RNF144B: variants seen among roughly 807,000 people sequenced by gnomAD.
RNF144B encodes E3 ubiquitin-protein ligase RNF144B.
Under a neutral mutation model 40.2 loss-of-function variants are expected in RNF144B, and 25 were observed. That is an observed-to-expected ratio of 0.62 (90% CI 0.45 to 0.87). The LOEUF is 0.87. RNF144B is among the 40% of genes least tolerant of loss of function. RNF144B has a pLI of 0.00. For missense variants in RNF144B, 365 were observed against 373.7 expected, an observed-to-expected ratio of 0.98 and a Z score of 0.19; for synonymous variants, 145 against 136.3, an observed-to-expected ratio of 1.06 and a Z score of -0.44.
intron 1 of RNF144B, among the ~76,000 whole-genome samples, chr6:18,387,961 A>G (rs187596835): frequency 3.3e-5 from 5 of 152,324 alleles, no homozygotes; most frequent in Admixed American, 1.3e-4. Context: ...ATTATGCATT[A>G]TAGTGCTTAT....
Position 18,405,117 on chromosome 6 carries a change from T to C in RNF144B, c.165+5418T>C, listed in dbSNP as rs2147213. Among the ~76,000 whole-genome samples, 95,914 of 150,998 alleles carry C rather than the reference T, an allele frequency of 0.64. 30,733 individuals are homozygous for C. Among genetic ancestry groups the C allele is most frequent in the Middle Eastern group, 0.69 (199 of 290 alleles). On this transcript the variant is annotated intron_variant, in intron 2 of 7. Transcript: ENST00000259939. This position sits in a 1 kb window ranked among gnomAD's most constrained non-coding sequence, Gnocchi z 4.5. The stretch of plus-strand genomic sequence containing the variant: ...TATTATTCTGTTGGTTTCTGGTACC[T>C]AAATATGCTTGCTTGCAAGGTTAGT...
rs996866679 is a variant in RNF144B at position 18,458,231 on chromosome 6, C to A, written c.536+872C>A. Among the ~76,000 whole-genome samples, 4 of 152,210 alleles carry A rather than the reference C, an allele frequency of 2.6e-5. No homozygotes were observed. The highest frequency in any genetic ancestry group is 9.7e-5 in the African/African-American group (4 of 41,450). On this transcript the variant is annotated intron_variant, in intron 5 of 7. Transcript: ENST00000259939. This position sits in a 1 kb window ranked among gnomAD's most constrained non-coding sequence, Gnocchi z 4.8. ...AGGATTACAGACATAAGCCACCACACTTGGGCGATACAGAGGGTTTTTATG... is the reference window on the plus strand; with the variant it reads ...AGGATTACAGACATAAGCCACCACAATTGGGCGATACAGAGGGTTTTTATG...
chr6:18,426,529 C>T (rs751577677), intron 2 of RNF144B, among the ~76,000 whole-genome samples: 1 of 152,148 alleles, frequency 6.6e-6, no homozygotes, highest in Non-Finnish European at 1.5e-5. Context: ...CAGTCAGACT[C>T]ACATCTTCAC....
In RNF144B at chr6:18,457,888, G is replaced by A. The variant is rs1205672505; in HGVS notation, c.536+529G>A. Among the ~76,000 whole-genome samples, 3 of 152,068 alleles carry A rather than the reference G, an allele frequency of 2.0e-5. No homozygotes were observed. The highest frequency in any genetic ancestry group is 2.1e-4 in the South Asian group (1 of 4,826). ...GCTCTGTAAAGGTTGAGATTTTATC[G>A]TGATAGGAAGCAATTAAATCTGTAC... On this transcript the variant is annotated intron_variant, in intron 5 of 7. Coordinates refer to ENST00000259939, the MANE Select transcript of RNF144B (RefSeq NM_182757.4). The surrounding 1 kb of genome is among the most constrained non-coding windows in gnomAD (Gnocchi z 5.1).
At chr6:18,461,172 T>G (rs1759444454) in intron 6 of RNF144B, among the ~76,000 whole-genome samples, 1 of 152,142 alleles carries the variant, frequency 6.6e-6, no homozygotes, top group African/African-American at 2.4e-5. Context: ...AACCTCCATC[T>G]TAGTGATTTA....
Position 18,465,536 on chromosome 6 carries a change from A to G in RNF144B, c.*469A>G, listed in dbSNP as rs537409094. ...AGAAGGATAAGACTGCGTAAGGAGA[A>G]ATCCTCATAGGAGCTATAAAGCAGG... On this transcript the variant is annotated 3_prime_UTR_variant, in exon 8 of 8. Transcript: ENST00000259939. 1.3e-5 allele frequency: 2 copies of G among 155,076 alleles called. No individual in the cohort carries two copies. Among genetic ancestry groups the G allele is most frequent in the South Asian group, 4.0e-4 (2 of 5,006 alleles). 9.6% of individuals were successfully genotyped at this position (155,076 alleles called of 1,614,324 possible).
chr6:18,423,556 T>A (rs1381303110), intron 2 of RNF144B, among the ~76,000 whole-genome samples: 1 of 152,232 alleles, frequency 6.6e-6, no homozygotes, highest in Non-Finnish European at 1.5e-5. Context: ...ATATGAAGAA[T>A]GCCTGTGACT....
chr6:18,442,895 C>T lies in RNF144B; in HGVS notation c.331+3151C>T, dbSNP rs1447883263. ...AATTTCATTTTTTAAGGCTGAATAA[C>T]CTATTGTATGTTTTTAACGTCATTT... On this transcript the variant is annotated intron_variant, in intron 4 of 7. Transcript: ENST00000259939. The surrounding 1 kb of genome is among the most constrained non-coding windows in gnomAD (Gnocchi z 4.3). Among the ~76,000 whole-genome samples, 1 of 152,136 alleles carries T rather than the reference C, an allele frequency of 6.6e-6. No individual in the cohort carries two copies. Among genetic ancestry groups the T allele is most frequent in the Non-Finnish European group, 1.5e-5 (1 of 68,032 alleles).
Position 18,427,593 on chromosome 6 carries a change from T to C in RNF144B, c.178T>C (p.Tyr60His). The C allele has an allele frequency of 6.2e-7, 1 of 1,613,346 alleles. No individual in the cohort carries two copies. Among genetic ancestry groups the C allele is most frequent in the South Asian group, 1.1e-5 (1 of 91,024 alleles). The change falls in exon 3 of 8, where the codon TAC becomes CAC. Residue 60 changes from tyrosine (Y) to histidine (H), a missense_variant. Transcript: ENST00000259939. ...CIFCTACLKQ[Y>H]MQLAIREGCG... ...TCTTAACTTCCAGTGCCTGAAACAGTACATGCAGCTGGCAATCCGAGAAGG... is the reference window on the plus strand; with the variant it reads ...TCTTAACTTCCAGTGCCTGAAACAGCACATGCAGCTGGCAATCCGAGAAGG...
chr6:18,424,889 A>G (rs1437134538), intron 2 of RNF144B, among the ~76,000 whole-genome samples: 1 of 152,194 alleles, frequency 6.6e-6, no homozygotes, highest in Non-Finnish European at 1.5e-5. Context: ...CAGGGAGTGG[A>G]GAAAGGATAT....
chr6:18,457,808 A>G lies in RNF144B; in HGVS notation c.536+449A>G, dbSNP rs1219562130. ...TAGAAAGAACACAACAATAGAAACA[A>G]CGGTCCTAAATTCTTTCAGCACGTA... is the stretch of plus-strand genomic sequence containing the variant. On this transcript the variant is annotated intron_variant, in intron 5 of 7. Transcript: ENST00000259939. The surrounding 1 kb of genome is among the most constrained non-coding windows in gnomAD (Gnocchi z 5.1). Among the ~76,000 whole-genome samples, 1 of 152,222 alleles carries G rather than the reference A, an allele frequency of 6.6e-6. No homozygotes were observed. The highest frequency in any genetic ancestry group is 2.4e-5 in the African/African-American group (1 of 41,452).
rs1759033760 is a variant in RNF144B at position 18,444,434 on chromosome 6, C to T, written c.331+4690C>T. On this transcript the variant is annotated intron_variant, in intron 4 of 7. Coordinates refer to ENST00000259939, the MANE Select transcript of RNF144B (RefSeq NM_182757.4). The surrounding 1 kb of genome is among the most constrained non-coding windows in gnomAD (Gnocchi z 4.3). The stretch of plus-strand genomic sequence containing the variant: ...ATTAATGCAAGAATTTTTCTTGCCT[C>T]TTGTTTCCAGAGTCTACTTTTTCAA... 6.6e-6 allele frequency among the ~76,000 whole-genome samples: 1 copy of T among 151,956 alleles called. No individual in the cohort carries two copies. The highest frequency in any genetic ancestry group is 2.4e-5 in the African/African-American group (1 of 41,420).
chr6:18,421,266 TATATTATAC>T (rs1381826174), intron 2 of RNF144B, among the ~76,000 whole-genome samples: 2 of 133,542 alleles, frequency 1.5e-5, no homozygotes, highest in Non-Finnish European at 3.1e-5. Context: ...AAAAAAATTA[TATATTATAC>T]ACACACACAC....
At chr6:18,396,568 G>GCCTGTGTCATTACCCTTTTTCT in intron 1 of RNF144B, 1 of 985,380 alleles carries the variant, frequency 1.0e-6, no homozygotes, top group South Asian at 4.7e-5. Context: ...GATGGTTCTG[G>GCCTGTGTCATTACCCTTTTTCT]CCTGTGTCAT....
chr6:18,403,610 G>A (rs559088904), intron 2 of RNF144B, among the ~76,000 whole-genome samples: 5 of 152,282 alleles, frequency 3.3e-5, no homozygotes, highest in East Asian at 1.9e-4. Context: ...AGACCAAGCC[G>A]TTCTTTCCCT....
intron 3 of RNF144B, among the ~76,000 whole-genome samples, chr6:18,429,795 T>A (rs1186620589): frequency 6.6e-6 from 1 of 152,138 alleles, no homozygotes; most frequent in Non-Finnish European, 1.5e-5. Context: ...GCTTCTCAGG[T>A]GTCTGATGGG....
At chr6:18,455,075 G>T (rs548757840) in intron 4 of RNF144B, among the ~76,000 whole-genome samples, 1 of 152,172 alleles carries the variant, frequency 6.6e-6, no homozygotes, top group Non-Finnish European at 1.5e-5. Flanking sequence ...CTTAGTATTT[G>T]TGAAGCGGTT....
chr6:18,407,037 C>G (rs902204036), intron 2 of RNF144B, among the ~76,000 whole-genome samples: 1 of 152,020 alleles, frequency 6.6e-6, no homozygotes, highest in Non-Finnish European at 1.5e-5. Flanking sequence ...GGATACTGCC[C>G]CTATAATCTA....
chr6:18,403,566 T>C lies in RNF144B; in HGVS notation c.165+3867T>C, dbSNP rs548328684. Among the ~76,000 whole-genome samples the C allele has an allele frequency of 9.2e-5, 14 of 152,342 alleles. 1 individual carries two copies. Among genetic ancestry groups the C allele is most frequent in the Admixed American group, 5.9e-4 (9 of 15,302 alleles). ...TCTTGGAGCCAAATGGATTTTCCAA[T>C]GTTTAAAAAGTGAGAGGAAATATAA... On this transcript the variant is annotated intron_variant, in intron 2 of 7. Transcript: ENST00000259939.
Sources: allele counts gnomAD v4.1 joint callset (sites outside exome capture counted in the v4.1 genomes callset), GRCh38; gene constraint gnomAD v4.1.1; non-coding constraint Gnocchi (gnomAD v3.1); transcripts MANE v1.5; gene names NCBI Gene and HGNC (gene_info 2026-07-23, HGNC 2026-07-21).